Variants in DENND1A observed in about 807,000 individuals in gnomAD.
DENND1A encodes the protein DENN domain-containing protein 1A.
Under a neutral mutation model 113.7 loss-of-function variants are expected in DENND1A, and 51 were observed. That is an observed-to-expected ratio of 0.45 (90% CI 0.36 to 0.57). The LOEUF (loss-of-function observed/expected upper bound fraction) is 0.57. Ranked by LOEUF, DENND1A falls within the 20% of genes least tolerant of loss-of-function variation. The pLI, the probability that DENND1A is intolerant of heterozygous loss-of-function variation, is 0.00. For missense variants in DENND1A, 1,258 were observed against 1,395.9 expected (o/e 0.90, Z 1.57); for synonymous variants, 565 against 570.8 (o/e 0.99, Z 0.14).
chr9:123,417,427 C>A (rs1174097840), intron 19 of DENND1A, among the ~76,000 whole-genome samples: 1 of 152,196 alleles, frequency 6.6e-6, no homozygotes, highest in Non-Finnish European at 1.5e-5. Flanking sequence ...CCTGGTGAGG[C>A]AAGTTAGAGA....
At chr9:123,871,067 G>A (rs1846528547) in intron 2 of DENND1A, among the ~76,000 whole-genome samples, 1 of 152,110 alleles carries the variant, frequency 6.6e-6, no homozygotes, top group South Asian at 2.1e-4. Context: ...CTTCTCAGGA[G>A]ACAACAAGTT....
chr9:123,706,403 G>T (rs932286501), intron 5 of DENND1A, among the ~76,000 whole-genome samples: 3 of 151,776 alleles, frequency 2.0e-5, no homozygotes, highest in Non-Finnish European at 4.4e-5. Context: ...GCCCATTTTG[G>T]CCTCCCAGGA....
At chr9:123,866,985 A>G (rs976212535) in intron 2 of DENND1A, among the ~76,000 whole-genome samples, 1 of 152,206 alleles carries the variant, frequency 6.6e-6, no homozygotes, top group African/African-American at 2.4e-5. Flanking sequence ...CTTCTCCTCA[A>G]ATAAGGCTTC....
intron 21 of DENND1A, 33 bp downstream of exon 21, chr9:123,403,368 TC>T (rs771590922): frequency 6.2e-7 from 1 of 1,610,212 alleles, no homozygotes; most frequent in Admixed American, 1.7e-5. Flanking sequence ...GACACAGGGT[TC>T]TTACAGACAG....
intron 2 of DENND1A, among the ~76,000 whole-genome samples, chr9:123,836,960 G>C (rs1841141198): frequency 6.6e-6 from 1 of 151,958 alleles, no homozygotes; most frequent in South Asian, 2.1e-4. Flanking sequence ...AACATATATT[G>C]AATACCTACT....
chr9:123,788,792 T>C (rs1333062607), intron 3 of DENND1A, among the ~76,000 whole-genome samples: 1 of 152,124 alleles, frequency 6.6e-6, no homozygotes, highest in African/African-American at 2.4e-5. Context: ...GTCCAAGCTA[T>C]GCAAATCCAA....
rs969815599 is a variant in DENND1A at position 123,693,276 on chromosome 9, A to T, written c.303-16487T>A. The stretch of plus-strand genomic sequence containing the variant: ...GCTCTTAGCACACAGCACTGAGATC[A>T]TCTGTTTTCCACCTGTCCTTCCCAC... On this transcript the variant is annotated intron_variant, in intron 5 of 23. Transcript: ENST00000394215. Among the ~76,000 whole-genome samples, 2 of 152,328 alleles carry T rather than the reference A, an allele frequency of 1.3e-5. 1 individual carries two copies. The highest frequency in any genetic ancestry group is 4.1e-4 in the South Asian group (2 of 4,828).
At chr9:123,566,926 C>CACACACAT (rs1318073394) in intron 12 of DENND1A, among the ~76,000 whole-genome samples, 1 of 151,764 alleles carries the variant, frequency 6.6e-6, no homozygotes, top group African/African-American at 2.4e-5. Context: ...CACACACACA[C>CACACACAT]ACACACACAC....
At chr9:123,919,883 GAAA>G (rs56784407) in intron 1 of DENND1A, among the ~76,000 whole-genome samples, 1 of 55,394 alleles carries the variant, frequency 1.8e-5, no homozygotes. Flanking sequence ...CTCTGTCTCA[GAAA>G]AAAAAAAAAA....
At chr9:123,401,994 G>A in intron 21 of DENND1A, 2 of 1,581,164 alleles carry the variant, frequency 1.3e-6, no homozygotes, top group South Asian at 2.2e-5. Context: ...GTGTCTAAAA[G>A]GTTTAGTCCA....
At chr9:123,686,440 A>C (rs1262604380) in intron 5 of DENND1A, among the ~76,000 whole-genome samples, 1 of 152,194 alleles carries the variant, frequency 6.6e-6, no homozygotes, top group Non-Finnish European at 1.5e-5. Flanking sequence ...AGTGCTTGAT[A>C]AGATAAAGGA....
chr9:123,624,718 G>A (rs2061122302), intron 10 of DENND1A, among the ~76,000 whole-genome samples: 1 of 152,174 alleles, frequency 6.6e-6, no homozygotes, highest in Admixed American at 6.5e-5. Context: ...TCCTTGCCAA[G>A]TCTTCTCTTC....
rs1199686977 is a variant in DENND1A, at chr9:123,895,791, A to G, written c.18-16770T>C. ...CAATCTAAGGGGCTCAAGGAATTCA[A>G]GACAAAACGAACATTCAGCCTAAGG... On this transcript the variant is annotated intron_variant, in intron 1 of 23. Coordinates refer to ENST00000394215, the MANE Select transcript of DENND1A (RefSeq NM_001352964.2). 2.6e-5 allele frequency among the ~76,000 whole-genome samples: 4 copies of G among 152,202 alleles called. No homozygotes were observed. The East Asian group carries it at 7.7e-4, about 29-fold the overall frequency.
intron 1 of DENND1A, among the ~76,000 whole-genome samples, chr9:123,884,994 C>T (rs563199213): frequency 7.1e-5 from 9 of 126,482 alleles, no homozygotes; most frequent in African/African-American, 2.2e-4. Flanking sequence ...TGCGAGCGCG[C>T]GCGCACACAC....
intron 10 of DENND1A, among the ~76,000 whole-genome samples, chr9:123,609,961 C>T (rs1436881463): frequency 6.6e-6 from 1 of 152,198 alleles, no homozygotes; most frequent in East Asian, 1.9e-4. Context: ...TTTGCTGCTT[C>T]CTCTGTCATC....
intron 5 of DENND1A, among the ~76,000 whole-genome samples, chr9:123,686,550 A>C (rs1249820565): frequency 6.6e-6 from 1 of 152,220 alleles, no homozygotes; most frequent in Admixed American, 6.5e-5. Context: ...TGCCAGCTCC[A>C]GGGACACTAG....
intron 2 of DENND1A, among the ~76,000 whole-genome samples, chr9:123,868,599 G>A (rs994366528): frequency 5.9e-5 from 9 of 152,136 alleles, no homozygotes; most frequent in African/African-American, 2.2e-4. Flanking sequence ...TGCTCAAAAG[G>A]ATTTCAAAGT....
intron 3 of DENND1A, among the ~76,000 whole-genome samples, chr9:123,782,276 C>A (rs569758297): frequency 2.6e-5 from 4 of 152,066 alleles, no homozygotes; most frequent in African/African-American, 9.7e-5. Context: ...ATGTTCTCAA[C>A]GCTTTACAAG....
At chr9:123,507,825 AAAAT>A (rs35086659) in intron 13 of DENND1A, among the ~76,000 whole-genome samples, 44 of 148,840 alleles carry the variant, frequency 3.0e-4, no homozygotes, top group African/African-American at 5.2e-4. Flanking sequence ...AACCTATCTC[AAAAT>A]AAATAAATAA....
Sources: gnomAD v4.1 joint callset for allele counts (sites outside exome capture counted in the v4.1 genomes callset) on GRCh38, gnomAD v4.1.1 for gene constraint, MANE v1.5 for transcripts, NCBI Gene and HGNC (gene_info 2026-07-23, HGNC 2026-07-21) for gene names.